The following SHLD1 variants were observed in gnomAD, a reference collection of about 807,000 sequenced individuals.
The protein encoded by SHLD1 is shieldin complex subunit 1, also known as RINN1-REV7-interacting novel NHEJ regulator 3.
Under a neutral mutation model 5.5 loss-of-function variants are expected in SHLD1, and 3 were observed. The observed-to-expected ratio is 0.54, with a 90% CI of 0.25 to 1.40. The LOEUF (loss-of-function observed/expected upper bound fraction) is 1.40, where lower values mean the gene tolerates loss of function less well. Among genes scored for constraint, SHLD1 ranks in the 40% most tolerant of loss-of-function variants. The probability of loss-of-function intolerance (pLI) is 0.15; values close to 1 mark genes in which losing one functional copy is unlikely to be tolerated. For missense variants in SHLD1, 210 were observed against 244.4 expected (o/e 0.86, Z 0.94); for synonymous variants, 92 against 94.3 (o/e 0.98, Z 0.14).
At chr20:5,846,296 C>T (rs974250993) in intron 2 of SHLD1, among the ~76,000 whole-genome samples, 3 of 152,194 alleles carry the variant, frequency 2.0e-5, no homozygotes, top group Admixed American at 6.5e-5. Flanking sequence ...AATTATCTCT[C>T]TGCTGAATAT....
At chr20:5,763,081 C>T (rs1205817376) in intron 1 of SHLD1, among the ~76,000 whole-genome samples, 3 of 151,642 alleles carry the variant, frequency 2.0e-5, no homozygotes, top group East Asian at 1.9e-4. Context: ...CCGAGGCAGG[C>T]GGATCACCTG....
intron 1 of SHLD1, among the ~76,000 whole-genome samples, chr20:5,760,183 ATTG>A (rs1319091108): frequency 1.3e-5 from 2 of 152,014 alleles, no homozygotes; most frequent in East Asian, 1.9e-4. Flanking sequence ...CAGAGAAGGG[ATTG>A]TTGTTGCTGA....
chr20:5,764,496 C>T (rs1289791717), intron 1 of SHLD1, among the ~76,000 whole-genome samples: 1 of 143,346 alleles, frequency 7.0e-6, no homozygotes, highest in Non-Finnish European at 1.5e-5. Flanking sequence ...GAATTCAAGA[C>T]CAGCCTGGGC....
chr20:5,863,180 G>C lies in SHLD1; in HGVS notation c.335G>C (p.Gly112Ala), dbSNP rs745655830. 2.5e-6 allele frequency: 4 copies of C among 1,614,148 alleles called. No homozygotes were observed. The highest frequency in any genetic ancestry group is 1.3e-5 in the African/African-American group (1 of 75,020). Residue 112 changes from glycine to alanine, a missense_variant, in exon 3 of 3, where the codon GGC (glycine) becomes GCC (alanine). Gly to Ala is a moderately conservative substitution (Grantham distance 60). Coordinates refer to ENST00000303142, the MANE Select transcript of SHLD1 (RefSeq NM_152504.4). ...FYEMFGHPQPGSANSLSASVC... is the reference protein window; with the variant it reads ...FYEMFGHPQPASANSLSASVC... ...GAAATGTTTGGTCATCCACAGCCAG[G>C]CTCTGCAAACTCACTCTCTGCATCT...
intron 2 of SHLD1, among the ~76,000 whole-genome samples, chr20:5,861,535 A>G (rs1363108536): frequency 6.6e-6 from 1 of 152,236 alleles, no homozygotes; most frequent in East Asian, 1.9e-4. Flanking sequence ...TGTGACTCAA[A>G]GAACACATGT....
At chr20:5,822,809 T>C (rs2087621259) in intron 2 of SHLD1, among the ~76,000 whole-genome samples, 1 of 152,006 alleles carries the variant, frequency 6.6e-6, no homozygotes, top group South Asian at 2.1e-4. Context: ...TGATGTAATA[T>C]TTCCCATCTA....
intron 2 of SHLD1, among the ~76,000 whole-genome samples, chr20:5,795,492 G>C (rs1247919091): frequency 6.6e-6 from 1 of 151,414 alleles, no homozygotes; most frequent in Non-Finnish European, 1.5e-5. Flanking sequence ...CCAGCTACTT[G>C]GGAGGCTGAG....
At chr20:5,859,236 T>C (rs1600187036) in intron 2 of SHLD1, among the ~76,000 whole-genome samples, 1 of 152,168 alleles carries the variant, frequency 6.6e-6, no homozygotes, top group Non-Finnish European at 1.5e-5. Flanking sequence ...GAGTCAACAT[T>C]GAGTTCCCAC....
chr20:5,842,899 C>G (rs758651709), intron 2 of SHLD1, among the ~76,000 whole-genome samples: 23 of 151,748 alleles, frequency 1.5e-4, no homozygotes, highest in Non-Finnish European at 3.2e-4. Flanking sequence ...GTCTCTTGTT[C>G]CTAACTCAAA....
chr20:5,806,862 TC>T lies in SHLD1; in HGVS notation c.178+33821del, dbSNP rs1211615045. Reference sequence around the variant, plus strand: ...TTGCCAGCCCTCTGTCACCACCCTCTCCACTAGAATGCCATGTATTATGTAT... The same window carrying T: ...TTGCCAGCCCTCTGTCACCACCCTCTCACTAGAATGCCATGTATTATGTAT... On this transcript the variant is annotated intron_variant, in intron 2 of 2. Coordinates refer to ENST00000303142, the MANE Select transcript of SHLD1 (RefSeq NM_152504.4). The surrounding 1 kb of genome is among the most constrained non-coding windows in gnomAD (Gnocchi z 7.6). 4.6e-5 allele frequency among the ~76,000 whole-genome samples: 7 copies of T among 152,256 alleles called. No homozygotes were observed. The highest frequency in any genetic ancestry group is 8.8e-5 in the Non-Finnish European group (6 of 68,048).
rs530599176 is a variant in SHLD1, at chr20:5,834,506, G to A, written c.179-28518G>A. Among the ~76,000 whole-genome samples the A allele has an allele frequency of 5.3e-5, 8 of 152,180 alleles. 1 individual carries two copies. Among genetic ancestry groups the A allele is most frequent in the African/African-American group, 1.7e-4 (7 of 41,518 alleles). On this transcript the variant is annotated intron_variant, in intron 2 of 2. Coordinates refer to ENST00000303142, the MANE Select transcript of SHLD1 (RefSeq NM_152504.4). ...TTAATTAAAAGTACTTGTCCTCAATGTGAAAAAACAATCTACAGAAGTACA... is the reference window on the plus strand; with the variant it reads ...TTAATTAAAAGTACTTGTCCTCAATATGAAAAAACAATCTACAGAAGTACA...
At chr20:5,802,792 G>C (rs1217031675) in intron 2 of SHLD1, among the ~76,000 whole-genome samples, 1 of 152,066 alleles carries the variant, frequency 6.6e-6, no homozygotes, top group Non-Finnish European at 1.5e-5. Flanking sequence ...GACTACACAT[G>C]TGCGCCACGT....
intron 2 of SHLD1, among the ~76,000 whole-genome samples, chr20:5,862,739 T>C (rs1244843636): frequency 3.9e-5 from 6 of 152,190 alleles, no homozygotes; most frequent in Non-Finnish European, 8.8e-5. Flanking sequence ...TAAATATATA[T>C]GTATATTTTT....
intron 2 of SHLD1, among the ~76,000 whole-genome samples, chr20:5,837,643 T>C (rs2122458111): frequency 6.6e-6 from 1 of 152,312 alleles, no homozygotes; most frequent in East Asian, 1.9e-4. Flanking sequence ...AAGGACATGA[T>C]CTCGTTCCTT....
chr20:5,825,420 C>T (rs775713317), intron 2 of SHLD1, among the ~76,000 whole-genome samples: 2 of 152,182 alleles, frequency 1.3e-5, no homozygotes, highest in South Asian at 2.1e-4. Context: ...TTTAACAGCC[C>T]GCAGTGCAAA....
intron 2 of SHLD1, among the ~76,000 whole-genome samples, chr20:5,846,911 C>T (rs1366614840): frequency 6.6e-6 from 1 of 152,156 alleles, no homozygotes; most frequent in Non-Finnish European, 1.5e-5. Context: ...GGGTAAGCCT[C>T]AGTTTCATGG....
At chr20:5,811,056 T>G (rs2122374149) in intron 2 of SHLD1, among the ~76,000 whole-genome samples, 1 of 152,244 alleles carries the variant, frequency 6.6e-6, no homozygotes, top group South Asian at 2.1e-4. Flanking sequence ...ATATATAGCA[T>G]TAGTTCATTC....
chr20:5,821,369 C>T (rs755007145), intron 2 of SHLD1, among the ~76,000 whole-genome samples: 3 of 151,762 alleles, frequency 2.0e-5, no homozygotes, highest in Non-Finnish European at 2.9e-5. Flanking sequence ...AAAAATCAGC[C>T]GGGCGTGGTG....
intron 2 of SHLD1, among the ~76,000 whole-genome samples, chr20:5,853,783 A>G (rs2088043156): frequency 6.6e-6 from 1 of 151,780 alleles, no homozygotes; most frequent in Admixed American, 6.6e-5. Context: ...TAAACACCCT[A>G]GCCAGCACTG....
Sources: gnomAD v4.1 joint callset for allele counts (sites outside exome capture counted in the v4.1 genomes callset) on GRCh38, gnomAD v4.1.1 for gene constraint, Gnocchi (gnomAD v3.1) non-coding constraint, MANE v1.5 for transcripts, NCBI Gene and HGNC (gene_info 2026-07-23, HGNC 2026-07-21) for gene names.